GRIN2C: variants seen among roughly 807,000 people sequenced by gnomAD.
GRIN2C encodes the protein glutamate ionotropic receptor NMDA type subunit 2C, also known as glutamate receptor ionotropic, NMDA 2C.
In GRIN2C, 64 loss-of-function variants were observed where a neutral mutation model predicts 77.7. The observed-to-expected ratio is 0.82, with a 90% CI of 0.67 to 1.01. The LOEUF (loss-of-function observed/expected upper bound fraction) is 1.01. Among genes scored for constraint, GRIN2C ranks in the 50% least tolerant of loss-of-function variants. The pLI is 0.00. For missense variants in GRIN2C, 1,549 were observed against 1,486.0 expected (o/e 1.04, Z -0.70); for synonymous variants, 792 against 643.4 (o/e 1.23, Z -3.49).
chr17:74,858,286 T>A (rs1422452827), intron 1 of GRIN2C, among the ~76,000 whole-genome samples: 2 of 139,492 alleles, frequency 1.4e-5, no homozygotes, highest in African/African-American at 5.4e-5. Context: ...TAGGAAGACA[T>A]CCTCATGGGC....
At chr17:74,852,667 C>G (rs1290583402) in intron 2 of GRIN2C, 56 bp from the exon 3 acceptor site, 4 of 785,046 alleles carry the variant, frequency 5.1e-6, no homozygotes, top group Non-Finnish European at 7.3e-6. Flanking sequence ...CCTCCCGCCC[C>G]TTCCCCGACC....
At chr17:74,845,855 C>T (rs143344167) in intron 11 of GRIN2C, among the ~76,000 whole-genome samples, 23 of 152,144 alleles carry the variant, frequency 1.5e-4, no homozygotes, top group African/African-American at 5.5e-4. Context: ...GACTCTCTAG[C>T]CCAGTTCCTG....
chr17:74,845,050 G>GC (rs1567889059), intron 11 of GRIN2C, among the ~76,000 whole-genome samples: 1 of 151,510 alleles, frequency 6.6e-6, no homozygotes, highest in Non-Finnish European at 1.5e-5. Flanking sequence ...TTCCACCTCA[G>GC]CCCCCTGAGT....
chr17:74,848,494 G>A (rs768744086), intron 7 of GRIN2C, among the ~76,000 whole-genome samples: 25 of 152,322 alleles, frequency 1.6e-4, no homozygotes, highest in Non-Finnish European at 3.2e-4. Context: ...CGGGCGGATC[G>A]TTCGAGACCA....
chr17:74,844,331 A>T lies in GRIN2C; in HGVS notation c.2528T>A (p.Leu843Gln). 1.2e-6 allele frequency: 2 copies of T among 1,614,164 alleles called. No individual in the cohort carries two copies. Among genetic ancestry groups the T allele is most frequent in the Non-Finnish European group, 1.7e-6 (2 of 1,180,042 alleles). ...FAWEHLVYWK[L>Q]RHSVPNSSQL... is the part of the protein sequence containing the mutation. ...GGATGAGTTGGGCACCGAGTGGCGCAGCTTCCAGTAGACCAGGTGCTCCCA... is the reference window on the plus strand; with the variant it reads ...GGATGAGTTGGGCACCGAGTGGCGCTGCTTCCAGTAGACCAGGTGCTCCCA... Residue 843 changes from leucine to glutamine, a missense_variant, in exon 12 of 13, where the codon CTG becomes CAG. By Grantham distance (113) the Leu-to-Gln change is moderately radical (BLOSUM62 -2). Transcript: ENST00000293190.
rs893824777 is a variant in GRIN2C, at chr17:74,850,980, G to C, written c.1114-213C>G. 6.7e-6 allele frequency: 4 copies of C among 595,928 alleles called. No homozygotes were observed. The highest frequency in any genetic ancestry group is 4.4e-4 in the Middle Eastern group (1 of 2,272). 36.9% of individuals were successfully genotyped at this position (595,928 alleles called of 1,614,324 possible). A position where few individuals can be genotyped will look rare whatever the true frequency, so the allele number is the denominator to read the frequency against. ...CAGCATCTTCCTAAAGCCCAGACCT[G>C]ACCCTGTCTCACTCACTGTACTGGT... On this transcript the variant is annotated intron_variant, in intron 4 of 12. Transcript: ENST00000293190. This position sits in a 1 kb window ranked among gnomAD's most constrained non-coding sequence, Gnocchi z 5.3.
At chr17:74,860,587 T>C (rs2037929098), upstream of GRIN2C, 1 of 442,354 alleles carries the variant, frequency 2.3e-6, no homozygotes. Context: ...TCGGGGATCC[T>C]GGGCGAAGCC....
At position 74,856,305 on chromosome 17, in the gene GRIN2C, C is replaced by T. The variant is rs566015198; in HGVS notation, c.-15-1198G>A. ...CCTGCCACTCCAGCCCTCCCGCCTC[C>T]CCCAGGATCTGCACATCTCTGCTAC... On this transcript the variant is annotated intron_variant, in intron 1 of 12. Transcript: ENST00000293190. Among the ~76,000 whole-genome samples the T allele has an allele frequency of 2.4e-4, 37 of 152,282 alleles. No individual in the cohort carries two copies. In the East Asian group the frequency reaches 6.6e-3, roughly 27 times the overall value.
Position 74,847,990 on chromosome 17 carries a change from G to A in GRIN2C, c.1646-13C>T. ...GGGCTATATGGCTCTGGGGACAGAG[G>A]GAGGCAGCTCAGAGGCCTCGGCATG... On this transcript the variant is annotated splice_polypyrimidine_tract_variant and intron_variant, in intron 7 of 12. Coordinates refer to ENST00000293190, the MANE Select transcript of GRIN2C (RefSeq NM_000835.6). This position sits in a 1 kb window ranked among gnomAD's most constrained non-coding sequence, Gnocchi z 5.2. The A allele has an allele frequency of 6.2e-7, 1 of 1,613,966 alleles. No homozygotes were observed.
At chr17:74,848,128 C>A in intron 7 of GRIN2C, 151 bp from the exon 8 acceptor site, 1 of 772,098 alleles carries the variant, frequency 1.3e-6, no homozygotes, top group East Asian at 2.7e-5. Flanking sequence ...CTCAGAGCAG[C>A]AGAGCCCCAG....
At position 74,849,096 on chromosome 17, in the gene GRIN2C, G is replaced by T. The variant is rs56378331; in HGVS notation, c.1645+684C>A. Among the ~76,000 whole-genome samples, 36,199 of 150,828 alleles carry T rather than the reference G, an allele frequency of 0.24. 4,761 individuals carry two copies. The highest frequency in any genetic ancestry group is 0.41 in the East Asian group (2,082 of 5,098). On this transcript the variant is annotated intron_variant, in intron 7 of 12. Coordinates refer to ENST00000293190, the MANE Select transcript of GRIN2C (RefSeq NM_000835.6). The surrounding 1 kb of genome is among the most constrained non-coding windows in gnomAD (Gnocchi z 4.6). ...GAGGGAGGGAAATCAATCCTGCCAT[G>T]AGCACTTGCTATGCTATGAAGTGGT... is the stretch of plus-strand genomic sequence containing the variant.
In GRIN2C at chr17:74,843,327, G is replaced by C; in HGVS notation, c.2810C>G (p.Thr937Ser). The C allele has an allele frequency of 6.8e-7, 1 of 1,478,306 alleles. No individual in the cohort carries two copies. 91.6% of individuals were successfully genotyped at this position (1,478,306 alleles called of 1,614,324 possible). The change falls in exon 13 of 13, where the codon ACC (threonine) becomes AGC (serine). Residue 937 changes from threonine (T) to serine (S), a missense_variant. Coordinates refer to ENST00000293190, the MANE Select transcript of GRIN2C (RefSeq NM_000835.6). ...GCATGGGCTGGGGCCAGACCGCGGGGTCGGGCAGGGGGACGGTGGGGGCGC... is the reference window on the plus strand; with the variant it reads ...GCATGGGCTGGGGCCAGACCGCGGGCTCGGGCAGGGGGACGGTGGGGGCGC... ...RRAPPPSPCP[T>S]PRSGPSPCLP...
chr17:74,847,949 C>T lies in GRIN2C; in HGVS notation c.1674G>A (p.Met558Ile). The T allele has an allele frequency of 6.2e-7, 1 of 1,614,136 alleles. No individual in the cohort carries two copies. The highest frequency in any genetic ancestry group is 8.5e-7 in the Non-Finnish European group (1 of 1,180,004). ...CCACAGTGAGGCACATGACAAACAT[C>T]ATCACCCACACTGCAGGGCTATATG... ...LEPYSPAVWV[M>I]MFVMCLTVVA... Residue 558 changes from methionine (M) to isoleucine (I), a missense_variant, in exon 8 of 13, where the codon ATG becomes ATA. Coordinates refer to ENST00000293190, the MANE Select transcript of GRIN2C (RefSeq NM_000835.6). This position sits in a 1 kb window ranked among gnomAD's most constrained non-coding sequence, Gnocchi z 5.2.
chr17:74,847,982 G>A lies in GRIN2C; in HGVS notation c.1646-5C>T. 1 of 1,614,046 alleles carries A rather than the reference G, an allele frequency of 6.2e-7. No individual in the cohort carries two copies. Among genetic ancestry groups the A allele is most frequent in the East Asian group, 2.2e-5 (1 of 44,872 alleles). ...ACACTGCAGGGCTATATGGCTCTGG[G>A]GACAGAGGGAGGCAGCTCAGAGGCC... is the stretch of plus-strand genomic sequence containing the variant. On this transcript the variant is annotated splice_region_variant and splice_polypyrimidine_tract_variant and intron_variant, in intron 7 of 12. Transcript: ENST00000293190. The surrounding 1 kb of genome is among the most constrained non-coding windows in gnomAD (Gnocchi z 5.2).
Position 74,848,110 on chromosome 17 carries a change from G to A in GRIN2C, c.1646-133C>T, listed in dbSNP as rs182147976. 1.1e-5 allele frequency: 10 copies of A among 913,996 alleles called. No homozygotes were observed. In the East Asian group the frequency reaches 2.1e-4, roughly 19 times the overall value. 56.6% of individuals were successfully genotyped at this position (913,996 alleles called of 1,614,324 possible). A position where few individuals can be genotyped will look rare whatever the true frequency, so the allele number is the denominator to read the frequency against. Reference sequence around the variant, plus strand: ...CAGCTCTGCGGACCCAGCCAAGGGGGCCTCTGACTCAGAGCAGCAGAGCCC... The same window carrying A: ...CAGCTCTGCGGACCCAGCCAAGGGGACCTCTGACTCAGAGCAGCAGAGCCC... On this transcript the variant is annotated intron_variant, in intron 7 of 12. Transcript: ENST00000293190.
chr17:74,844,048 AT>A, intron 12 of GRIN2C: 1 of 845,580 alleles, frequency 1.2e-6, no homozygotes, highest in Non-Finnish European at 1.8e-6. Context: ...TAATTCTTTT[AT>A]TTTCTGTAGA....
rs1440191620 is a variant in GRIN2C, at chr17:74,842,364, C to A, written c.*71G>T. On this transcript the variant is annotated 3_prime_UTR_variant, in exon 13 of 13. Transcript: ENST00000293190. ...TGGCAGAAGCCAGAAAAGCCCAATC[C>A]TGCCTGCCGCTTAACCCTGACAGTG... The A allele has an allele frequency of 4.2e-6, 3 of 706,644 alleles. No homozygotes were observed. The highest frequency in any genetic ancestry group is 1.6e-5 in the South Asian group (1 of 64,482). The allele number at this position is 706,644 out of a possible 1,614,324, so 43.8% of individuals were successfully genotyped here.
chr17:74,842,625 CA>C lies in GRIN2C; in HGVS notation c.3511del (p.Cys1171ValfsTer40). The C allele has an allele frequency of 1.3e-6, 1 of 757,830 alleles. No individual in the cohort carries two copies. The highest frequency in any genetic ancestry group is 2.5e-6 in the Non-Finnish European group (1 of 407,144). The allele number at this position is 757,830 out of a possible 1,614,324, so 46.9% of individuals were successfully genotyped here. ...WGAVCPHLPPCASHGSWLSGA... is the reference protein window; with the variant it reads ...WGAVCPHLPPXASHGSWLSGA... ...GGAGAGCCAGGAGCCGTGGCTGGCACAGGGTGGAAGGTGAGGACAGACAGCC... is the reference window on the plus strand; with the variant it reads ...GGAGAGCCAGGAGCCGTGGCTGGCACGGGTGGAAGGTGAGGACAGACAGCC... On this transcript the variant is annotated frameshift_variant, in exon 13 of 13. Transcript: ENST00000293190. LOFTEE classifies it high-confidence loss of function.
rs757141944 is a variant in GRIN2C, at chr17:74,854,700, G to A, written c.393C>T (p.Thr131=). The A allele has an allele frequency of 1.6e-5, 25 of 1,605,916 alleles. No homozygotes were observed. Among genetic ancestry groups the A allele is most frequent in the Admixed American group, 6.7e-5 (4 of 59,802 alleles). The change falls in exon 2 of 13, where the codon ACC becomes ACT. Residue 131 remains threonine (T), a synonymous_variant. Coordinates refer to ENST00000293190, the MANE Select transcript of GRIN2C (RefSeq NM_000835.6). ...CATGAGTTTGGACATGCACCTTGGG[G>A]GTGAGGACCACAGCAGAGCCTCCGC... is the stretch of plus-strand genomic sequence containing the variant. ...SISGGSAVVL[T]PKEPGSAFLQ...
Sources: allele counts gnomAD v4.1 joint callset (sites outside exome capture counted in the v4.1 genomes callset), GRCh38; gene constraint gnomAD v4.1.1; non-coding constraint Gnocchi (gnomAD v3.1); transcripts MANE v1.5; gene names NCBI Gene and HGNC (gene_info 2026-07-23, HGNC 2026-07-21).